The following SMIM35 variants were observed in gnomAD, a reference collection of about 807,000 sequenced individuals.
The protein encoded by SMIM35 is small integral membrane protein 35.
intron 1 of SMIM35, among the ~76,000 whole-genome samples, chr11:118,079,191 T>C (rs1039324674): frequency 6.6e-6 from 1 of 152,140 alleles, no homozygotes; most frequent in Non-Finnish European, 1.5e-5. Flanking sequence ...TTATACTGCC[T>C]GTGCTGAATA....
At chr11:118,019,171 G>A (rs1565381155) in intron 1 of SMIM35, among the ~76,000 whole-genome samples, 4 of 152,132 alleles carry the variant, frequency 2.6e-5, no homozygotes, top group African/African-American at 9.7e-5. Flanking sequence ...CAAACTTTAT[G>A]AAAATTATGT....
chr11:118,080,544 C>A (rs529772311), intron 1 of SMIM35, among the ~76,000 whole-genome samples: 63 of 152,196 alleles, frequency 4.1e-4, no homozygotes, highest in African/African-American at 1.4e-3. Context: ...AGGGCTCCTG[C>A]GTGACCCCAG....
intron 1 of SMIM35, among the ~76,000 whole-genome samples, chr11:118,050,654 C>G (rs1427791088): frequency 2.6e-5 from 4 of 152,230 alleles, no homozygotes; most frequent in Non-Finnish European, 5.9e-5. Context: ...TAGCCCCCAC[C>G]CTTGCTTCCT....
intron 1 of SMIM35, among the ~76,000 whole-genome samples, chr11:118,028,542 TA>T (rs2058292535): frequency 6.6e-6 from 1 of 152,154 alleles, no homozygotes; most frequent in African/African-American, 2.4e-5. Context: ...AAACCCCTTT[TA>T]AAAAAATTAC....
chr11:118,050,060 G>C (rs1172825177), intron 1 of SMIM35, among the ~76,000 whole-genome samples: 1 of 152,212 alleles, frequency 6.6e-6, no homozygotes, highest in South Asian at 2.1e-4. Context: ...ACTGGAATGA[G>C]CACAGGGCTT....
At chr11:118,014,432 GAAT>G (rs1157470043) in intron 3 of SMIM35, among the ~76,000 whole-genome samples, 4 of 148,144 alleles carry the variant, frequency 2.7e-5, no homozygotes, top group African/African-American at 2.6e-5. Context: ...ATGGATGGAT[GAAT>G]GGATGGATGG....
intron 1 of SMIM35, among the ~76,000 whole-genome samples, chr11:118,050,897 C>T (rs1944202619): frequency 6.6e-6 from 1 of 152,212 alleles, no homozygotes; most frequent in African/African-American, 2.4e-5. Context: ...GAAAATGGCT[C>T]CAGTGACCTC....
At chr11:118,049,480 C>G (rs1350935698) in intron 1 of SMIM35, among the ~76,000 whole-genome samples, 3 of 150,916 alleles carry the variant, frequency 2.0e-5, no homozygotes, top group Non-Finnish European at 4.4e-5. Context: ...TCCTGAGTAG[C>G]TGGGATTACA....
chr11:118,051,918 G>A (rs930314257), intron 1 of SMIM35, among the ~76,000 whole-genome samples: 21 of 152,078 alleles, frequency 1.4e-4, no homozygotes, highest in Non-Finnish European at 2.8e-4. Flanking sequence ...CACGGGTGAC[G>A]CAGGGAGAGT....
rs528178970 is a variant in SMIM35, at chr11:118,029,286, G to A, written c.8-13477C>T. ...AGACCAGCCTGGCCAACGAAACGCC[G>A]TCTCTACAAAAATACAAAAAGTAGC... On this transcript the variant is annotated intron_variant, in intron 1 of 4. Transcript: ENST00000689828. 3.2e-4 allele frequency among the ~76,000 whole-genome samples: 49 copies of A among 152,226 alleles called. No individual in the cohort carries two copies. In the South Asian group the frequency reaches 9.3e-3, roughly 29 times the overall value.
At chr11:118,082,184 T>C (rs1630252) in intron 1 of SMIM35, among the ~76,000 whole-genome samples, 27,603 of 152,134 alleles carry the variant, frequency 0.18, 2,844 homozygotes, top group East Asian at 0.41. Flanking sequence ...TGTTGTGCTT[T>C]GAGAAGCACT....
At chr11:118,030,687 G>A (rs900665357) in intron 1 of SMIM35, among the ~76,000 whole-genome samples, 1 of 151,944 alleles carries the variant, frequency 6.6e-6, no homozygotes. Flanking sequence ...AGCCTGGTGT[G>A]GGGAGTCAGG....
chr11:118,032,860 A>T (rs1344138639), intron 1 of SMIM35, among the ~76,000 whole-genome samples: 1 of 152,232 alleles, frequency 6.6e-6, no homozygotes, highest in Admixed American at 6.5e-5. Flanking sequence ...GTGAGCCGAT[A>T]CCATGCCACT....
At chr11:118,056,937 G>A (rs191713061) in intron 1 of SMIM35, among the ~76,000 whole-genome samples, 5 of 152,286 alleles carry the variant, frequency 3.3e-5, no homozygotes, top group Admixed American at 6.5e-5. Context: ...GGTGCAAGGA[G>A]GTGGTGAAGA....
chr11:118,005,309 T>C lies in SMIM35; in HGVS notation c.*1101A>G, dbSNP rs1175234299. 1 of 152,234 alleles carries C rather than the reference T, an allele frequency of 6.6e-6. No homozygotes were observed. Among genetic ancestry groups the C allele is most frequent in the Non-Finnish European group, 1.5e-5 (1 of 68,056 alleles). 9.4% of individuals were successfully genotyped at this position (152,234 alleles called of 1,614,324 possible). ...TCCAGCACACACTGAGTCACCTCTT[T>C]AAGGAACAACTTGTTGATTCGCTGC... On this transcript the variant is annotated 3_prime_UTR_variant, in exon 5 of 5. Transcript: ENST00000689828.
chr11:118,071,073 C>A (rs1944564020), intron 1 of SMIM35, among the ~76,000 whole-genome samples: 1 of 152,204 alleles, frequency 6.6e-6, no homozygotes, highest in Non-Finnish European at 1.5e-5. Context: ...AAGAGCCTGG[C>A]ACATGGGAGC....
At position 118,078,493 on chromosome 11, in the gene SMIM35, T is replaced by C. The variant is rs533577602; in HGVS notation, c.7+8258A>G. Among the ~76,000 whole-genome samples, 13 of 152,344 alleles carry C rather than the reference T, an allele frequency of 8.5e-5. No individual in the cohort carries two copies. The South Asian group carries it at 1.9e-3, about 22-fold the overall frequency. On this transcript the variant is annotated intron_variant, in intron 1 of 4. Transcript: ENST00000689828. ...CAATTCTTAGTGCGGTTGTAGCTGATGATCAGAAAGGGGAAGGGGCTTCCC... is the reference window on the plus strand; with the variant it reads ...CAATTCTTAGTGCGGTTGTAGCTGACGATCAGAAAGGGGAAGGGGCTTCCC...
intron 1 of SMIM35, among the ~76,000 whole-genome samples, chr11:118,069,788 G>A (rs938605654): frequency 3.3e-5 from 5 of 152,160 alleles, no homozygotes; most frequent in African/African-American, 7.2e-5. Flanking sequence ...AAGGCCAGGC[G>A]CGGTGGCTCG....
chr11:118,033,133 A>G (rs375274774), intron 1 of SMIM35, among the ~76,000 whole-genome samples: 15 of 152,222 alleles, frequency 9.9e-5, no homozygotes, highest in Admixed American at 6.5e-5. Context: ...TTGGTAGCAG[A>G]AAGTCTTTAC....
Sources: allele counts gnomAD v4.1 joint callset (sites outside exome capture counted in the v4.1 genomes callset), GRCh38; gene constraint gnomAD v4.1.1; transcripts MANE v1.5; gene names NCBI Gene and HGNC (gene_info 2026-07-23, HGNC 2026-07-21).